Variants in TAF8 observed in about 807,000 individuals in gnomAD.
TAF8 encodes the protein transcription initiation factor TFIID subunit 8.
A neutral mutation model predicts 36.5 loss-of-function variants in TAF8; 47 were observed. That is an observed-to-expected ratio of 1.29 (90% confidence interval 1.02 to 1.64). TAF8 has a LOEUF of 1.64. TAF8 is among the 40% of genes most tolerant of loss of function. The pLI, the probability that TAF8 is intolerant of heterozygous loss-of-function variation, is 0.00. For synonymous variants in TAF8, 175 were observed against 159.5 expected (o/e 1.10, Z -0.73); for missense variants, 420 against 407.6 (o/e 1.03, Z -0.26).
rs1582253220 is a variant in TAF8 at position 42,080,032 on chromosome 6, T to C, written c.*2487T>C. On this transcript the variant is annotated 3_prime_UTR_variant, in exon 9 of 9. Coordinates refer to ENST00000372977, the MANE Select transcript of TAF8 (RefSeq NM_138572.3). ...AATTGGATTCCCCAACTGGACTAAATAGGAGTTTTTCAGGTTTGTAGTAAC... is the reference window on the plus strand; with the variant it reads ...AATTGGATTCCCCAACTGGACTAAACAGGAGTTTTTCAGGTTTGTAGTAAC... The C allele has an allele frequency of 4.1e-6, 4 of 985,238 alleles. No individual in the cohort carries two copies. Among genetic ancestry groups the C allele is most frequent in the Non-Finnish European group, 3.6e-6 (3 of 829,906 alleles). The allele number at this position is 985,238 out of a possible 1,614,324, so 61.0% of individuals were successfully genotyped here. A position where few individuals can be genotyped will look rare whatever the true frequency, so the allele number is the denominator to read the frequency against.
chr6:42,077,746 G>T lies in TAF8; in HGVS notation c.*201G>T. ...GTTTGGGTTGAGGAAGATATGAACA[G>T]AATAATGAGAATTTTTTTTTTTATT... On this transcript the variant is annotated 3_prime_UTR_variant, in exon 9 of 9. Transcript: ENST00000372977. The T allele has an allele frequency of 7.0e-7, 1 of 1,429,240 alleles. No homozygotes were observed. Among genetic ancestry groups the T allele is most frequent in the South Asian group, 1.5e-5 (1 of 65,444 alleles). The allele number at this position is 1,429,240 out of a possible 1,614,324, so 88.5% of individuals were successfully genotyped here.
At position 42,077,807 on chromosome 6, in the gene TAF8, A is replaced by G. The variant is rs1473401751; in HGVS notation, c.*262A>G. 1 of 1,258,246 alleles carries G rather than the reference A, an allele frequency of 7.9e-7. No individual in the cohort carries two copies. The highest frequency in any genetic ancestry group is 1.0e-6 in the Non-Finnish European group (1 of 972,682). The allele number at this position is 1,258,246 out of a possible 1,614,324, so 77.9% of individuals were successfully genotyped here. ...GTCTTACTCTATCACCCAGGCTGGA[A>G]TGCAGTGGTGTGATCTCAGCTCACT... On this transcript the variant is annotated 3_prime_UTR_variant, in exon 9 of 9. Coordinates refer to ENST00000372977, the MANE Select transcript of TAF8 (RefSeq NM_138572.3).
At chr6:42,075,560 G>A (rs1470099859) in intron 7 of TAF8, among the ~76,000 whole-genome samples, 1 of 152,156 alleles carries the variant, frequency 6.6e-6, no homozygotes, top group Admixed American at 6.5e-5. Context: ...CATGCCATCC[G>A]GTCATGGCAT....
At chr6:42,061,915 G>A (rs1029129954) in intron 5 of TAF8, among the ~76,000 whole-genome samples, 13 of 152,094 alleles carry the variant, frequency 8.5e-5, no homozygotes, top group South Asian at 4.1e-4. Flanking sequence ...TAAGTCATTC[G>A]TTTAGCCAAA....
Position 42,050,588 on chromosome 6 carries a change from T to A in TAF8, c.45+2T>A, listed in dbSNP as rs368364449. 6 of 1,550,764 alleles carry A rather than the reference T, an allele frequency of 3.9e-6. No individual in the cohort carries two copies. In the African/African-American group the frequency reaches 6.8e-5, roughly 18 times the overall value. On this transcript the variant is annotated splice_donor_variant, in intron 1 of 8. Coordinates refer to ENST00000372977, the MANE Select transcript of TAF8 (RefSeq NM_138572.3). LOFTEE classifies it high-confidence loss of function. ...GCTGGGGCCGGTGGCTCCGGAACGGTAAGGGCAGGAAGCGCGGGCTCGGAG... is the reference window on the plus strand; with the variant it reads ...GCTGGGGCCGGTGGCTCCGGAACGGAAAGGGCAGGAAGCGCGGGCTCGGAG...
chr6:42,069,625 T>C (rs1472596926), intron 7 of TAF8, among the ~76,000 whole-genome samples: 1 of 152,016 alleles, frequency 6.6e-6, no homozygotes, highest in Non-Finnish European at 1.5e-5. Flanking sequence ...TAAACATAGA[T>C]GTGTTAAGTT....
Position 42,083,061 on chromosome 6 carries a change from T to TA in TAF8, c.*5517dup, listed in dbSNP as rs2127468182. On this transcript the variant is annotated 3_prime_UTR_variant, in exon 9 of 9. Coordinates refer to ENST00000372977, the MANE Select transcript of TAF8 (RefSeq NM_138572.3). ...ATAAAATTTAAAAGACAGAAAAAGA[T>TA]ATAAGTGATAACAAAATATCTTCCT... 1 of 152,364 alleles carries TA rather than the reference T, an allele frequency of 6.6e-6. No homozygotes were observed. Among genetic ancestry groups the TA allele is most frequent in the African/African-American group, 2.4e-5 (1 of 41,590 alleles). 9.4% of individuals were successfully genotyped at this position (152,364 alleles called of 1,614,324 possible).
At chr6:42,056,322 G>T in intron 4 of TAF8, 1 of 285,000 alleles carries the variant, frequency 3.5e-6, no homozygotes, top group South Asian at 3.7e-5. Context: ...TTGGTAAATT[G>T]TGGCCTATGG....
At chr6:42,086,599 A>C (rs1766031696), downstream of TAF8, 3 of 958,404 alleles carry the variant, frequency 3.1e-6, no homozygotes, top group South Asian at 2.8e-5. Flanking sequence ...CATCACAAGC[A>C]GCTCCCCTGA....
At chr6:42,077,009 A>ATT in intron 7 of TAF8, 91 bp from the exon 8 acceptor site, 3 of 1,457,336 alleles carry the variant, frequency 2.1e-6, no homozygotes, top group Non-Finnish European at 1.8e-6. Context: ...TAATTTCTCA[A>ATT]TTAGAGGATG....
Position 42,079,932 on chromosome 6 carries a change from T to A in TAF8, c.*2387T>A. Reference sequence around the variant, plus strand: ...GACTTGACAGCAGGCTCCATGTTCTTCTGGCCTCACTGTACTGTGTAAGGA... The same window carrying A: ...GACTTGACAGCAGGCTCCATGTTCTACTGGCCTCACTGTACTGTGTAAGGA... On this transcript the variant is annotated 3_prime_UTR_variant, in exon 9 of 9. Coordinates refer to ENST00000372977, the MANE Select transcript of TAF8 (RefSeq NM_138572.3). The A allele has an allele frequency of 2.1e-5, 21 of 985,198 alleles. No homozygotes were observed. Among genetic ancestry groups the A allele is most frequent in the Non-Finnish European group, 2.5e-5 (21 of 829,890 alleles). 61.0% of individuals were successfully genotyped at this position (985,198 alleles called of 1,614,324 possible). A position where few individuals can be genotyped will look rare whatever the true frequency, so the allele number is the denominator to read the frequency against.
chr6:42,085,878 G>A (rs547322975), downstream of TAF8, among the ~76,000 whole-genome samples: 8 of 152,120 alleles, frequency 5.3e-5, no homozygotes, highest in Non-Finnish European at 1.0e-4. Context: ...CCAGCTACTC[G>A]GGAGGCTGAG....
downstream of TAF8, among the ~76,000 whole-genome samples, chr6:42,084,276 G>A (rs1765994488): frequency 6.6e-6 from 1 of 151,880 alleles, no homozygotes; most frequent in South Asian, 2.1e-4. Flanking sequence ...AAGTGCAGAG[G>A]AGAAAACACG....
At chr6:42,069,956 T>A (rs558033345) in intron 7 of TAF8, among the ~76,000 whole-genome samples, 9 of 152,238 alleles carry the variant, frequency 5.9e-5, no homozygotes, top group Middle Eastern at 3.4e-3. Context: ...AGCAATTAGC[T>A]GTGTCCAAAG....
chr6:42,071,391 T>C (rs974733632), intron 7 of TAF8: 1 of 183,088 alleles, frequency 5.5e-6, no homozygotes, highest in African/African-American at 2.6e-5. Context: ...AGTGGCAAGA[T>C]CTTGGCTCAC....
rs566357451 is a variant in TAF8 at position 42,066,545 on chromosome 6, A to G, written c.637+86A>G. The G allele has an allele frequency of 8.0e-6, 12 of 1,505,584 alleles. No individual in the cohort carries two copies. The East Asian group carries it at 2.5e-4, about 31-fold the overall frequency. The allele number at this position is 1,505,584 out of a possible 1,614,324, so 93.3% of individuals were successfully genotyped here. On this transcript the variant is annotated intron_variant, in intron 6 of 8. Transcript: ENST00000372977. The stretch of plus-strand genomic sequence containing the variant: ...TTCTCTCAGCATGGTAGGAAGAAAC[A>G]AATAAGCTTTTGTCCTTCCCTTGGG...
chr6:42,073,574 G>C (rs910393022), intron 7 of TAF8, among the ~76,000 whole-genome samples: 1 of 152,170 alleles, frequency 6.6e-6, no homozygotes, highest in African/African-American at 2.4e-5. Context: ...CTGAGCAGGA[G>C]CTTGAAATGG....
intron 5 of TAF8, chr6:42,063,616 T>G (rs143994303): frequency 1.6e-4 from 25 of 152,258 alleles, no homozygotes; most frequent in African/African-American, 6.0e-4. Context: ...TCTTGTTTGT[T>G]TTGTTGTTGT....
downstream of TAF8, chr6:42,086,784 G>T: frequency 6.5e-7 from 1 of 1,543,616 alleles, no homozygotes; most frequent in Non-Finnish European, 8.8e-7. Context: ...CAAGGAGATC[G>T]GTCACCAGGA....
Sources: gnomAD v4.1 joint callset for allele counts (sites outside exome capture counted in the v4.1 genomes callset) on GRCh38, gnomAD v4.1.1 for gene constraint, MANE v1.5 for transcripts, NCBI Gene and HGNC (gene_info 2026-07-23, HGNC 2026-07-21) for gene names.